CDK13: variants seen among roughly 807,000 people sequenced by gnomAD.
CDK13 encodes the protein cyclin-dependent kinase 13.
A neutral mutation model predicts 137.6 loss-of-function variants in CDK13; 40 were observed. The observed-to-expected ratio is 0.29, with a 90% CI of 0.23 to 0.38. The LOEUF is 0.38. Ranked by LOEUF, CDK13 falls within the 10% of genes least tolerant of loss-of-function variation. CDK13 has a pLI of 1.00. For synonymous variants in CDK13, 869 were observed against 760.1 expected, an observed-to-expected ratio of 1.14 and a Z score of -2.36; for missense variants, 1,704 against 1,951.8, an observed-to-expected ratio of 0.87 and a Z score of 2.39.
chr7:40,005,311 C>A (rs1186533499), intron 5 of CDK13, among the ~76,000 whole-genome samples: 1 of 146,828 alleles, frequency 6.8e-6, no homozygotes, highest in Middle Eastern at 3.6e-3. Context: ...TTTTTTGAGA[C>A]CCAAGTCTTG....
At chr7:40,027,065 T>C (rs547002180) in intron 5 of CDK13, among the ~76,000 whole-genome samples, 1 of 152,310 alleles carries the variant, frequency 6.6e-6, no homozygotes, top group Admixed American at 6.5e-5. Flanking sequence ...TTTATTAGGC[T>C]GAGTGCAGTG....
At chr7:40,050,412 G>A (rs1785859910) in intron 7 of CDK13, among the ~76,000 whole-genome samples, 1 of 151,792 alleles carries the variant, frequency 6.6e-6, no homozygotes, top group African/African-American at 2.4e-5. Context: ...TATTTTATTT[G>A]AGACAGTCTC....
intron 1 of CDK13, among the ~76,000 whole-genome samples, chr7:39,954,038 A>G (rs553839148): frequency 2.0e-5 from 3 of 152,310 alleles, no homozygotes; most frequent in Non-Finnish European, 2.9e-5. Context: ...CAATATCCCA[A>G]ATTGTTAGAA....
At chr7:39,973,285 C>T (rs999878936) in intron 1 of CDK13, among the ~76,000 whole-genome samples, 6 of 152,044 alleles carry the variant, frequency 3.9e-5, no homozygotes, top group South Asian at 2.1e-4. Context: ...CACAGGTACA[C>T]GCCACCACAC....
intron 2 of CDK13, among the ~76,000 whole-genome samples, chr7:39,991,366 C>G (rs1370093917): frequency 1.3e-5 from 2 of 152,182 alleles, no homozygotes; most frequent in Non-Finnish European, 2.9e-5. Context: ...GAGTAATGGT[C>G]TGCATAATCT....
chr7:39,988,353 A>C (rs1784386500), intron 2 of CDK13, 95 bp downstream of exon 2: 1 of 856,340 alleles, frequency 1.2e-6, no homozygotes, highest in Non-Finnish European at 1.8e-6. Context: ...CCTCGAAACA[A>C]CTTTAGTGAA....
chr7:40,009,053 G>A (rs1279678873), intron 5 of CDK13, among the ~76,000 whole-genome samples: 2 of 151,956 alleles, frequency 1.3e-5, no homozygotes, highest in East Asian at 3.8e-4. Flanking sequence ...TTTACTTGAT[G>A]ATAAAATAAA....
intron 7 of CDK13, among the ~76,000 whole-genome samples, chr7:40,053,851 A>G (rs541343729): frequency 3.9e-5 from 6 of 152,226 alleles, no homozygotes; most frequent in African/African-American, 1.4e-4. Context: ...TCCTTTCACA[A>G]GAATTATTTT....
At chr7:40,088,449 G>C in intron 12 of CDK13, 118 bp downstream of exon 12, 1 of 782,462 alleles carries the variant, frequency 1.3e-6, no homozygotes. Flanking sequence ...TTTATTCACT[G>C]AACTAGACAT....
intron 1 of CDK13, among the ~76,000 whole-genome samples, chr7:39,970,170 A>G (rs757427904): frequency 3.3e-5 from 5 of 151,802 alleles, no homozygotes; most frequent in Admixed American, 6.6e-5. Context: ...ACGCCCAGCT[A>G]AATTTTGTAT....
chr7:39,988,266 C>T lies in CDK13; in HGVS notation c.1871+8C>T, dbSNP rs370048161. On this transcript the variant is annotated splice_region_variant and intron_variant, in intron 2 of 13. Transcript: ENST00000181839. The stretch of plus-strand genomic sequence containing the variant: ...AGATAAAGAAGCTGATAGGTAAGTG[C>T]AAAAAGTATTTGTCAATAACTGTTC... 1.3e-6 allele frequency: 2 copies of T among 1,579,126 alleles called. No individual in the cohort carries two copies. The highest frequency in any genetic ancestry group is 4.5e-5 in the East Asian group (2 of 44,730).
At chr7:39,987,155 A>G (rs1236168237) in intron 1 of CDK13, 1 of 153,022 alleles carries the variant, frequency 6.5e-6, no homozygotes, top group Non-Finnish European at 1.5e-5. Context: ...GCCCAGTAGT[A>G]AGTCTTGTCT....
chr7:40,043,661 T>A (rs1785664464), intron 5 of CDK13, among the ~76,000 whole-genome samples: 1 of 151,768 alleles, frequency 6.6e-6, no homozygotes, highest in South Asian at 2.1e-4. Flanking sequence ...CTACCAGAAA[T>A]AAAACAAACA....
At chr7:40,074,136 G>A (rs925083892) in intron 9 of CDK13, among the ~76,000 whole-genome samples, 2 of 152,038 alleles carry the variant, frequency 1.3e-5, no homozygotes, top group African/African-American at 2.4e-5. Context: ...TCCTGCTCAA[G>A]CAATCCACCT....
chr7:40,074,913 G>T (rs1234099101), intron 9 of CDK13, among the ~76,000 whole-genome samples: 1 of 151,652 alleles, frequency 6.6e-6, no homozygotes, highest in East Asian at 1.9e-4. Flanking sequence ...AATAAATAAA[G>T]GAAAGAAATA....
At chr7:40,032,525 A>T (rs10271401) in intron 5 of CDK13, among the ~76,000 whole-genome samples, 8,808 of 152,286 alleles carry the variant, frequency 0.058, 819 homozygotes, top group African/African-American at 0.2. Flanking sequence ...TGCAGTTTAC[A>T]CTCAAGTCTT....
chr7:40,005,174 CAAA>C (rs34773950), intron 5 of CDK13, among the ~76,000 whole-genome samples: 8 of 138,660 alleles, frequency 5.8e-5, no homozygotes, highest in Non-Finnish European at 6.2e-5. Flanking sequence ...ACTCTTGTCT[CAAA>C]AAAAAAAAAA....
chr7:39,966,513 AT>A (rs1425978402), intron 1 of CDK13, among the ~76,000 whole-genome samples: 1 of 151,568 alleles, frequency 6.6e-6, no homozygotes, highest in African/African-American at 2.4e-5. Context: ...CATTCATCTA[AT>A]TTTTTTTCAA....
In CDK13 at chr7:40,096,470, A is replaced by G. The variant is rs1787050011; in HGVS notation, c.*1490A>G. The stretch of plus-strand genomic sequence containing the variant: ...ACAATTATACTAATTCTAGAAAGGA[A>G]CCAAAGGTAAATAACCAGTGTTTCC... On this transcript the variant is annotated 3_prime_UTR_variant, in exon 14 of 14. Coordinates refer to ENST00000181839, the MANE Select transcript of CDK13 (RefSeq NM_003718.5). 1 of 152,218 alleles carries G rather than the reference A, an allele frequency of 6.6e-6. No individual in the cohort carries two copies. Among genetic ancestry groups the G allele is most frequent in the Non-Finnish European group, 1.5e-5 (1 of 68,018 alleles). The allele number at this position is 152,218 out of a possible 1,614,324, so 9.4% of individuals were successfully genotyped here.
Sources: allele counts gnomAD v4.1 joint callset (sites outside exome capture counted in the v4.1 genomes callset), GRCh38; gene constraint gnomAD v4.1.1; transcripts MANE v1.5; gene names NCBI Gene and HGNC (gene_info 2026-07-23, HGNC 2026-07-21).